Variants in FRYL observed in about 807,000 individuals in gnomAD.
FRYL encodes the protein FRY like transcription coactivator.
Under a neutral mutation model 351.2 loss-of-function variants are expected in FRYL, and 150 were observed. That is an observed-to-expected ratio of 0.43 (90% confidence interval 0.37 to 0.49). The LOEUF (loss-of-function observed/expected upper bound fraction) is 0.49. FRYL is among the 20% of genes least tolerant of loss of function. The pLI is 0.00. For synonymous variants in FRYL, 1,153 were observed against 1,257.1 expected (o/e 0.92, Z 1.75); for missense variants, 3,036 against 3,619.3 (o/e 0.84, Z 4.13).
chr4:48,680,756 T>A (rs1764483134), intron 3 of FRYL, among the ~76,000 whole-genome samples: 1 of 152,142 alleles, frequency 6.6e-6, no homozygotes, highest in Non-Finnish European at 1.5e-5. Flanking sequence ...CCAGCTATAC[T>A]TGAAGAAAAA....
intron 7 of FRYL, chr4:48,618,183 C>CA (rs1332376569): frequency 2.6e-5 from 4 of 152,136 alleles, no homozygotes; most frequent in African/African-American, 9.6e-5. Flanking sequence ...CTACCTCTAC[C>CA]AAAAAACGTT....
In FRYL at chr4:48,546,593, C is replaced by T. The variant is rs1165315947; in HGVS notation, c.5075-322G>A. The T allele has an allele frequency of 2.2e-5, 6 of 277,244 alleles. No homozygotes were observed. In the Admixed American group the frequency reaches 2.4e-4, roughly 11 times the overall value. 17.2% of individuals were successfully genotyped at this position (277,244 alleles called of 1,614,324 possible). On this transcript the variant is annotated intron_variant, in intron 41 of 63. Transcript: ENST00000358350. Reference sequence around the variant, plus strand: ...TTTTGTCAACATCGCTTGTCAGTCACATTTCTATAATATGAACTGATTTTT... The same window carrying T: ...TTTTGTCAACATCGCTTGTCAGTCATATTTCTATAATATGAACTGATTTTT...
chr4:48,535,557 A>G (rs965756963), intron 48 of FRYL, 100 bp downstream of exon 48: 6 of 591,354 alleles, frequency 1.0e-5, no homozygotes, highest in East Asian at 7.0e-5. Flanking sequence ...AGAGTAGTTA[A>G]AATATATATA....
intron 1 of FRYL, among the ~76,000 whole-genome samples, chr4:48,720,641 G>A (rs930160112): frequency 6.6e-6 from 1 of 152,140 alleles, no homozygotes; most frequent in Non-Finnish European, 1.5e-5. Context: ...ACCCATTACA[G>A]TCAACCCATT....
chr4:48,563,704 T>C (rs1210286105), intron 31 of FRYL, among the ~76,000 whole-genome samples: 1 of 146,674 alleles, frequency 6.8e-6, no homozygotes, highest in African/African-American at 2.5e-5. Context: ...CGAGACCATG[T>C]CTAAAAAAAA....
chr4:48,716,600 A>G (rs1324523538), intron 1 of FRYL, among the ~76,000 whole-genome samples: 2 of 151,646 alleles, frequency 1.3e-5, no homozygotes, highest in African/African-American at 4.8e-5. Flanking sequence ...TAGAATGGCA[A>G]TCATTAAAAA....
At chr4:48,582,811 C>T (rs954777004) in intron 19 of FRYL, 77 bp from the exon 20 acceptor site, 1 of 936,050 alleles carries the variant, frequency 1.1e-6, no homozygotes, top group East Asian at 2.4e-5. Flanking sequence ...AAAACTATGA[C>T]CTTAAAATAA....
In FRYL at chr4:48,664,566, C is replaced by T. The variant is rs79209286; in HGVS notation, c.-81+20107G>A. On this transcript the variant is annotated intron_variant, in intron 3 of 63. Transcript: ENST00000358350. ...AGGTCATGCTGAATGTGGAATAGCC[C>T]GGTATGGGTCACATAAAGAAGAGTC... is the stretch of plus-strand genomic sequence containing the variant. 3.5e-3 allele frequency among the ~76,000 whole-genome samples: 529 copies of T among 152,112 alleles called. 6 individuals carry two copies. The highest frequency in any genetic ancestry group is 0.013 in the African/African-American group (519 of 41,470).
At position 48,615,020 on chromosome 4, in the gene FRYL, G is replaced by C. The variant is rs577107415; in HGVS notation, c.411+4254C>G. Among the ~76,000 whole-genome samples the C allele has an allele frequency of 6.1e-3, 933 of 152,024 alleles. 11 individuals are homozygous for C. Among genetic ancestry groups the C allele is most frequent in the African/African-American group, 0.021 (875 of 41,486 alleles). On this transcript the variant is annotated intron_variant, in intron 7 of 63. Coordinates refer to ENST00000358350, the MANE Select transcript of FRYL (RefSeq NM_015030.2). The stretch of plus-strand genomic sequence containing the variant: ...TTTTTGTATTTTTAGTAGAAACGGG[G>C]TTTCACCGTGTTAGCCAAGATGGTC...
At chr4:48,693,887 G>A (rs1448206576) in intron 2 of FRYL, among the ~76,000 whole-genome samples, 1 of 152,138 alleles carries the variant, frequency 6.6e-6, no homozygotes, top group Non-Finnish European at 1.5e-5. Flanking sequence ...TTATGTACGA[G>A]TATTAAATAA....
chr4:48,689,181 C>T (rs180760266), intron 2 of FRYL, among the ~76,000 whole-genome samples: 105 of 152,276 alleles, frequency 6.9e-4, no homozygotes, highest in Non-Finnish European at 1.3e-3. Context: ...TTTACATTTT[C>T]AGCCAGAACA....
chr4:48,643,645 T>TA, intron 3 of FRYL, among the ~76,000 whole-genome samples: 1 of 152,142 alleles, frequency 6.6e-6, no homozygotes, highest in Admixed American at 6.6e-5. Flanking sequence ...GCAATAATAT[T>TA]AAAAAATTAA....
At chr4:48,738,840 C>T (rs1771723909) in intron 1 of FRYL, among the ~76,000 whole-genome samples, 1 of 151,948 alleles carries the variant, frequency 6.6e-6, no homozygotes, top group Non-Finnish European at 1.5e-5. Flanking sequence ...GTTAGTTATT[C>T]CCAACTTGAT....
In FRYL at chr4:48,619,396, C is replaced by T. The variant is rs774579349; in HGVS notation, c.315-26G>A. On this transcript the variant is annotated intron_variant, in intron 6 of 63. Transcript: ENST00000358350. ...CTGAAACAAGAATCCAAAATTAGTACTGCATTAAGATTATGACTTTAAAAA... is the reference window on the plus strand; with the variant it reads ...CTGAAACAAGAATCCAAAATTAGTATTGCATTAAGATTATGACTTTAAAAA... The T allele has an allele frequency of 2.2e-6, 3 of 1,347,302 alleles. No individual in the cohort carries two copies. In the South Asian group the frequency reaches 4.2e-5, roughly 19 times the overall value. 83.5% of individuals were successfully genotyped at this position (1,347,302 alleles called of 1,614,324 possible).
Position 48,535,750 on chromosome 4 carries a change from G to C in FRYL, c.6471C>G (p.Ser2157=), listed in dbSNP as rs376513980. ...MMSLYSTHTY[S]RDCSNWINVV... is the part of the protein sequence containing the mutation. Reference sequence around the variant, plus strand: ...CATTGATCCAGTTAGAACAGTCTCTGGAATACGTGTGTGTACTGTACAAAC... The same window carrying C: ...CATTGATCCAGTTAGAACAGTCTCTCGAATACGTGTGTGTACTGTACAAAC... Residue 2157 remains serine (S), a synonymous_variant, in exon 48 of 64, where the codon TCC becomes TCG. Transcript: ENST00000358350. 9 of 1,610,870 alleles carry C rather than the reference G, an allele frequency of 5.6e-6. No homozygotes were observed. The African/African-American group carries it at 1.2e-4, about 22-fold the overall frequency.
chr4:48,665,369 C>G (rs1761524209), intron 3 of FRYL, among the ~76,000 whole-genome samples: 1 of 152,142 alleles, frequency 6.6e-6, no homozygotes. Context: ...AACATCTGCT[C>G]TTTCCAAATA....
At chr4:48,686,778 T>C (rs1358865203) in intron 2 of FRYL, among the ~76,000 whole-genome samples, 1 of 152,260 alleles carries the variant, frequency 6.6e-6, no homozygotes, top group East Asian at 1.9e-4. Flanking sequence ...CATGCTTTTG[T>C]TGTATGTGTT....
In FRYL at chr4:48,581,346, T is replaced by A; in HGVS notation, c.2172+74A>T. 7.5e-6 allele frequency: 10 copies of A among 1,335,120 alleles called. No homozygotes were observed. In the South Asian group the frequency reaches 1.4e-4, roughly 19 times the overall value. The allele number at this position is 1,335,120 out of a possible 1,614,324, so 82.7% of individuals were successfully genotyped here. On this transcript the variant is annotated intron_variant, in intron 21 of 63. Coordinates refer to ENST00000358350, the MANE Select transcript of FRYL (RefSeq NM_015030.2). Reference sequence around the variant, plus strand: ...GACCCATGGTAGTAACCTACCTACATGGGATAAGGATGGACAAAGAGATGG... The same window carrying A: ...GACCCATGGTAGTAACCTACCTACAAGGGATAAGGATGGACAAAGAGATGG...
At chr4:48,679,148 C>G (rs992285067) in intron 3 of FRYL, among the ~76,000 whole-genome samples, 6 of 152,016 alleles carry the variant, frequency 3.9e-5, no homozygotes, top group African/African-American at 7.2e-5. Flanking sequence ...CAAGTGCTGG[C>G]TGATTTATAT....
Sources: gnomAD v4.1 joint callset for allele counts (sites outside exome capture counted in the v4.1 genomes callset) on GRCh38, gnomAD v4.1.1 for gene constraint, MANE v1.5 for transcripts, NCBI Gene and HGNC (gene_info 2026-07-23, HGNC 2026-07-21) for gene names.